The following ACCSL variants were observed in gnomAD, a reference collection of about 807,000 sequenced individuals.
ACCSL encodes 1-aminocyclopropane-1-carboxylate synthase homolog (inactive) like.
In ACCSL, 55 loss-of-function variants were observed where a neutral mutation model predicts 61.7. That is an observed-to-expected ratio of 0.89 (90% CI 0.72 to 1.12). ACCSL has a LOEUF of 1.12. ACCSL is among the 50% of genes most tolerant of loss of function. The probability of loss-of-function intolerance (pLI) is 0.00; values close to 1 mark genes in which losing one functional copy is unlikely to be tolerated. For missense variants in ACCSL, 632 were observed against 698.0 expected (o/e 0.91, Z 1.07); for synonymous variants, 258 against 264.3 (o/e 0.98, Z 0.23).
chr11:43,993,273 G>C, the ACCSL span, among the ~76,000 whole-genome samples: 1 of 152,168 alleles, frequency 6.6e-6, no homozygotes. Flanking sequence ...AGGGGCAGGG[G>C]TAACTCCGTG....
At chr11:43,952,954 C>T in the ACCSL span, among the ~76,000 whole-genome samples, 1 of 152,192 alleles carries the variant, frequency 6.6e-6, no homozygotes, top group African/African-American at 2.4e-5. Flanking sequence ...AGGTCCTCAT[C>T]GTTGCTGCCA....
the ACCSL span, among the ~76,000 whole-genome samples, chr11:43,958,716 G>A: frequency 6.6e-6 from 1 of 152,110 alleles, no homozygotes; most frequent in Non-Finnish European, 1.5e-5. Flanking sequence ...CTGGTGATTG[G>A]CATCATCAGT....
Position 44,058,711 on chromosome 11 carries a change from T to C in ACCSL, c.1624+12T>C. 1.9e-6 allele frequency: 3 copies of C among 1,604,894 alleles called. No individual in the cohort carries two copies. The highest frequency in any genetic ancestry group is 2.6e-6 in the Non-Finnish European group (3 of 1,174,432). ...CCGGCTAAAATTGGGTGAGTGGAGC[T>C]GACCTCCCAATCCTTTAAAGACGCC... On this transcript the variant is annotated intron_variant, in intron 13 of 13. Transcript: ENST00000378832.
the ACCSL span, among the ~76,000 whole-genome samples, chr11:43,982,888 GC>G: frequency 7.2e-5 from 11 of 152,344 alleles, no homozygotes; most frequent in African/African-American, 2.6e-4. Context: ...GGTCAGAGGA[GC>G]GGTGGGCTGC....
the ACCSL span, among the ~76,000 whole-genome samples, chr11:43,939,593 A>T: frequency 6.6e-6 from 1 of 151,898 alleles, no homozygotes; most frequent in Non-Finnish European, 1.5e-5. Context: ...CTTGCTCAAG[A>T]AAATACACAG....
the ACCSL span, among the ~76,000 whole-genome samples, chr11:43,989,312 G>A: frequency 6.6e-6 from 1 of 152,212 alleles, no homozygotes. Context: ...AGAGGAACAG[G>A]GGAAGGTCTG....
chr11:44,056,369 T>C (rs770829230), intron 11 of ACCSL, 43 bp downstream of exon 11: 4 of 1,588,500 alleles, frequency 2.5e-6, no homozygotes, highest in Non-Finnish European at 2.6e-6. Flanking sequence ...CTGGACCTCA[T>C]GGCCATGGGG....
the ACCSL span, among the ~76,000 whole-genome samples, chr11:43,935,412 C>T: frequency 3.3e-5 from 5 of 152,194 alleles, no homozygotes; most frequent in Admixed American, 3.3e-4. Context: ...AAGCAGTGAG[C>T]ACCAATTTCA....
chr11:43,991,833 C>G, the ACCSL span, among the ~76,000 whole-genome samples: 2 of 151,944 alleles, frequency 1.3e-5, no homozygotes, highest in Non-Finnish European at 2.9e-5. Flanking sequence ...TCCCCCAAAG[C>G]CCACCAGCCC....
the ACCSL span, among the ~76,000 whole-genome samples, chr11:43,939,713 G>A: frequency 6.6e-6 from 1 of 152,302 alleles, no homozygotes; most frequent in Non-Finnish European, 1.5e-5. Flanking sequence ...AGGTTCAAAC[G>A]ATTCTCATGC....
chr11:43,986,423 C>T, the ACCSL span, among the ~76,000 whole-genome samples: 7 of 151,952 alleles, frequency 4.6e-5, no homozygotes, highest in South Asian at 2.1e-4. Flanking sequence ...GAGTAAGACC[C>T]GGGCTTTACA....
the ACCSL span, among the ~76,000 whole-genome samples, chr11:44,005,261 C>T: frequency 1.4e-3 from 210 of 152,310 alleles, 2 homozygotes; most frequent in East Asian, 0.029. Context: ...AGCACCCCCT[C>T]CCCGGATTGG....
At chr11:43,999,838 G>A in the ACCSL span, among the ~76,000 whole-genome samples, 2 of 135,450 alleles carry the variant, frequency 1.5e-5, no homozygotes, top group African/African-American at 2.7e-5. Flanking sequence ...CACATCCACA[G>A]ATCAAAAATA....
the ACCSL span, among the ~76,000 whole-genome samples, chr11:43,955,353 A>G: frequency 6.6e-6 from 1 of 152,220 alleles, no homozygotes; most frequent in African/African-American, 2.4e-5. Context: ...GAGTCTGGGA[A>G]GTCTAAAGTC....
the ACCSL span, among the ~76,000 whole-genome samples, chr11:44,016,695 A>T: frequency 1.3e-5 from 2 of 152,090 alleles, no homozygotes; most frequent in Non-Finnish European, 2.9e-5. Flanking sequence ...GGACTTCATG[A>T]TAGGGGACTT....
At chr11:44,016,573 A>G in the ACCSL span, among the ~76,000 whole-genome samples, 1 of 152,156 alleles carries the variant, frequency 6.6e-6, no homozygotes, top group African/African-American at 2.4e-5. Flanking sequence ...CCAGAAAAAG[A>G]TAGTATCTGT....
the ACCSL span, among the ~76,000 whole-genome samples, chr11:43,983,192 C>G: frequency 6.6e-6 from 1 of 152,098 alleles, no homozygotes; most frequent in Non-Finnish European, 1.5e-5. Flanking sequence ...AGCAAGCTCT[C>G]AAGGAACTTG....
chr11:44,042,103 A>G, the ACCSL span, among the ~76,000 whole-genome samples: 302 of 152,336 alleles, frequency 2.0e-3, 1 homozygote, highest in African/African-American at 6.9e-3. Context: ...CTTTTAAGAT[A>G]TTGATAATCT....
At chr11:44,041,883 T>G in the ACCSL span, among the ~76,000 whole-genome samples, 1 of 152,222 alleles carries the variant, frequency 6.6e-6, no homozygotes, top group Non-Finnish European at 1.5e-5. Flanking sequence ...TTTAAATAAG[T>G]TGTCTAAATA....
Sources: gnomAD v4.1 joint callset for allele counts (sites outside exome capture counted in the v4.1 genomes callset) on GRCh38, gnomAD v4.1.1 for gene constraint, MANE v1.5 for transcripts, NCBI Gene and HGNC (gene_info 2026-07-23, HGNC 2026-07-21) for gene names.